The following GPC6 variants were observed in gnomAD, a reference collection of about 807,000 sequenced individuals.
The protein encoded by GPC6 is glypican 6.
A neutral mutation model predicts 55.2 loss-of-function variants in GPC6; 14 were observed. That is an observed-to-expected ratio of 0.25 (90% CI 0.17 to 0.40). The LOEUF is 0.40. Ranked by LOEUF, GPC6 falls within the 10% of genes least tolerant of loss-of-function variation. GPC6 has a pLI of 1.00. For missense variants in GPC6, 641 were observed against 708.5 expected (o/e 0.90, Z 1.08); for synonymous variants, 278 against 259.6 (o/e 1.07, Z -0.68).
intron 4 of GPC6, among the ~76,000 whole-genome samples, chr13:94,048,262 G>T (rs935477129): frequency 3.9e-5 from 6 of 151,960 alleles, no homozygotes; most frequent in Non-Finnish European, 7.4e-5. Context: ...GGAATGAAGG[G>T]TTATAAATAT....
At chr13:93,285,956 G>A (rs1315472735) in intron 1 of GPC6, among the ~76,000 whole-genome samples, 1 of 152,138 alleles carries the variant, frequency 6.6e-6, no homozygotes, top group Non-Finnish European at 1.5e-5. Context: ...GAATTTGTCA[G>A]CCTGTTGAGA....
chr13:93,978,799 A>G (rs1251040044), intron 3 of GPC6, among the ~76,000 whole-genome samples: 1 of 152,152 alleles, frequency 6.6e-6, no homozygotes, highest in Non-Finnish European at 1.5e-5. Flanking sequence ...ATGCAGCTGA[A>G]ATCACTTTGT....
intron 4 of GPC6, among the ~76,000 whole-genome samples, chr13:94,246,837 G>A (rs540619129): frequency 5.3e-5 from 8 of 151,998 alleles, no homozygotes; most frequent in African/African-American, 1.4e-4. Context: ...TCACAGAATC[G>A]TTGTGGCTAT....
intron 4 of GPC6, among the ~76,000 whole-genome samples, chr13:94,116,195 T>A (rs1886423203): frequency 6.6e-6 from 1 of 152,110 alleles, no homozygotes; most frequent in Admixed American, 6.6e-5. Flanking sequence ...TCCTGGATGC[T>A]GGGAACTTCA....
intron 3 of GPC6, among the ~76,000 whole-genome samples, chr13:93,927,686 TGA>T (rs1877932569): frequency 1.1e-5 from 1 of 92,740 alleles, no homozygotes; most frequent in Non-Finnish European, 2.2e-5. Flanking sequence ...TCCTTCTTTG[TGA>T]AAAAAAAAAA....
intron 4 of GPC6, among the ~76,000 whole-genome samples, chr13:94,223,519 C>T (rs1446914865): frequency 1.3e-5 from 2 of 152,132 alleles, no homozygotes; most frequent in Non-Finnish European, 2.9e-5. Flanking sequence ...GGATTTGAAA[C>T]CAGATTTTTC....
rs67379652 is a variant in GPC6, at chr13:93,295,290, C to CAAAAAAAAAAAAAAAAAA, written c.160+67680_160+67697dup. ...GGGGTGGTACAGGGAGACCCTGTCT[C>CAAAAAAAAAAAAAAAAAA]AAAAAAAAAAAAAAAAAAAAAAAGA... is the stretch of plus-strand genomic sequence containing the variant. On this transcript the variant is annotated intron_variant, in intron 1 of 8. Transcript: ENST00000377047. Among the ~76,000 whole-genome samples the CAAAAAAAAAAAAAAAAAA allele has an allele frequency of 7.0e-4, 47 of 66,684 alleles. 1 individual carries two copies. The highest frequency in any genetic ancestry group is 3.2e-3 in the African/African-American group (42 of 13,112). 43.7% of individuals were successfully genotyped at this position (66,684 alleles called of 152,430 possible).
At chr13:93,580,768 G>A (rs1876896923) in intron 2 of GPC6, among the ~76,000 whole-genome samples, 1 of 152,094 alleles carries the variant, frequency 6.6e-6, no homozygotes, top group African/African-American at 2.4e-5. Context: ...ATAATTAAAT[G>A]TAAATCATAT....
intron 2 of GPC6, among the ~76,000 whole-genome samples, chr13:93,634,630 C>A (rs1174215283): frequency 6.6e-6 from 1 of 152,006 alleles, no homozygotes; most frequent in Non-Finnish European, 1.5e-5. Context: ...TAATTCATGG[C>A]TACAATATGA....
At chr13:93,899,424 A>G (rs1366436067) in intron 3 of GPC6, among the ~76,000 whole-genome samples, 1 of 151,902 alleles carries the variant, frequency 6.6e-6, no homozygotes, top group Non-Finnish European at 1.5e-5. Context: ...AGGATGGGTA[A>G]GAAGACATAG....
chr13:93,595,327 A>G (rs538117991), intron 2 of GPC6, among the ~76,000 whole-genome samples: 1 of 152,314 alleles, frequency 6.6e-6, no homozygotes, highest in South Asian at 2.1e-4. Context: ...GAATTGATCA[A>G]GTACTTGAAA....
Position 94,336,797 on chromosome 13 carries a change from A to G in GPC6, c.1152+30674A>G, listed in dbSNP as rs968530690. Among the ~76,000 whole-genome samples, 79 of 152,352 alleles carry G rather than the reference A, an allele frequency of 5.2e-4. 1 individual carries two copies. The highest frequency in any genetic ancestry group is 1.7e-3 in the African/African-American group (69 of 41,572). ...GAATTTATGTTTACAGAAGGAAAAA[A>G]AAATCATTTGCGAAGCAGACTTATC... is the stretch of plus-strand genomic sequence containing the variant. On this transcript the variant is annotated intron_variant, in intron 6 of 8. Transcript: ENST00000377047.
intron 3 of GPC6, among the ~76,000 whole-genome samples, chr13:93,987,675 A>G (rs1045782204): frequency 2.0e-5 from 3 of 152,200 alleles, no homozygotes; most frequent in Non-Finnish European, 4.4e-5. Context: ...AGCTATTTCT[A>G]TACAATCATA....
intron 6 of GPC6, among the ~76,000 whole-genome samples, chr13:94,360,708 T>TC (rs1194442964): frequency 1.3e-5 from 2 of 152,208 alleles, no homozygotes; most frequent in African/African-American, 4.8e-5. Context: ...AGTGCTATCC[T>TC]CCTCCCCCCA....
At chr13:93,368,801 G>A (rs1881352055) in intron 1 of GPC6, among the ~76,000 whole-genome samples, 1 of 152,050 alleles carries the variant, frequency 6.6e-6, no homozygotes, top group Non-Finnish European at 1.5e-5. Flanking sequence ...GTTGTTAATG[G>A]ACAGTCTAAG....
chr13:94,285,423 A>T (rs1040230403), intron 4 of GPC6, among the ~76,000 whole-genome samples: 1 of 152,166 alleles, frequency 6.6e-6, no homozygotes, highest in Admixed American at 6.5e-5. Context: ...AAATCACCAA[A>T]GGGAAACTTC....
At chr13:93,704,784 T>A (rs531015515) in intron 2 of GPC6, among the ~76,000 whole-genome samples, 23 of 152,092 alleles carry the variant, frequency 1.5e-4, no homozygotes, top group African/African-American at 5.1e-4. Context: ...AATGCTCAAA[T>A]CTGTCTCTAC....
intron 1 of GPC6, among the ~76,000 whole-genome samples, chr13:93,457,221 C>T (rs1238517611): frequency 6.6e-6 from 1 of 152,122 alleles, no homozygotes; most frequent in Non-Finnish European, 1.5e-5. Context: ...TGGCCTTCTC[C>T]CTCTATGTGT....
At chr13:93,939,526 T>C (rs1299640452) in intron 3 of GPC6, among the ~76,000 whole-genome samples, 1 of 152,042 alleles carries the variant, frequency 6.6e-6, no homozygotes, top group East Asian at 1.9e-4. Context: ...CCTTCTTTAT[T>C]CAAAGAAAGG....
Sources: allele counts gnomAD v4.1 joint callset (sites outside exome capture counted in the v4.1 genomes callset), GRCh38; gene constraint gnomAD v4.1.1; transcripts MANE v1.5; gene names NCBI Gene and HGNC (gene_info 2026-07-23, HGNC 2026-07-21).